Variants in RFX4 observed in about 807,000 individuals in gnomAD.
The protein encoded by RFX4 is regulatory factor X4.
RFX4 carries 10 observed loss-of-function variants against 95.0 expected under a neutral mutation model. The ratio of observed to expected loss-of-function variants is 0.11; its 90% confidence interval spans 0.06 to 0.18. RFX4 has a LOEUF of 0.18. Among genes scored for constraint, RFX4 ranks in the 10% least tolerant of loss-of-function variants. The pLI is 1.00. For synonymous variants in RFX4, 321 were observed against 340.7 expected, an observed-to-expected ratio of 0.94 and a Z score of 0.64; for missense variants, 640 against 922.0, an observed-to-expected ratio of 0.69 and a Z score of 3.96.
intron 3 of RFX4, 137 bp from the exon 4 acceptor site, chr12:106,654,091 C>A: frequency 8.3e-7 from 1 of 1,198,850 alleles, no homozygotes; most frequent in Non-Finnish European, 1.2e-6. Context: ...CTTTGTCTTC[C>A]TGGGCCCCAG....
chr12:106,655,024 C>G (rs2040928336), intron 4 of RFX4, among the ~76,000 whole-genome samples: 1 of 152,160 alleles, frequency 6.6e-6, no homozygotes, highest in Non-Finnish European at 1.5e-5. Context: ...GTAATTTTTT[C>G]TGCATCTGCT....
At chr12:106,653,300 A>G (rs2040890580) in intron 3 of RFX4, among the ~76,000 whole-genome samples, 1 of 152,230 alleles carries the variant, frequency 6.6e-6, no homozygotes, top group African/African-American at 2.4e-5. Context: ...CGGTCAGGAC[A>G]TATAGTGCCC....
At chr12:106,739,305 G>A (rs966202408) in intron 15 of RFX4, among the ~76,000 whole-genome samples, 2 of 152,070 alleles carry the variant, frequency 1.3e-5, no homozygotes, top group African/African-American at 2.4e-5. Flanking sequence ...TTGACTTGTT[G>A]AGAATCAAGG....
At chr12:106,759,062 A>C (rs1459325754) in intron 17 of RFX4, among the ~76,000 whole-genome samples, 1 of 152,234 alleles carries the variant, frequency 6.6e-6, no homozygotes, top group Non-Finnish European at 1.5e-5. Flanking sequence ...GAGCATATGA[A>C]TATAAGCCAA....
intron 8 of RFX4, among the ~76,000 whole-genome samples, chr12:106,700,508 G>A (rs950054786): frequency 3.4e-5 from 5 of 145,288 alleles, no homozygotes; most frequent in Non-Finnish European, 7.5e-5. Context: ...CCGGGTTCAC[G>A]CCATTCTCCT....
intron 2 of RFX4, among the ~76,000 whole-genome samples, chr12:106,624,386 G>A (rs1026734459): frequency 1.3e-5 from 2 of 152,138 alleles, no homozygotes; most frequent in East Asian, 3.9e-4. Context: ...GCGCAGTGTC[G>A]CGATCTTGGC....
intron 13 of RFX4, among the ~76,000 whole-genome samples, chr12:106,727,899 A>G (rs61943291): frequency 2.6e-5 from 4 of 152,136 alleles, no homozygotes; most frequent in South Asian, 2.1e-4. Flanking sequence ...GATTACAGGC[A>G]TGAGCCACCG....
chr12:106,624,371 C>A (rs2137244149), intron 2 of RFX4, among the ~76,000 whole-genome samples: 1 of 152,290 alleles, frequency 6.6e-6, no homozygotes, highest in East Asian at 1.9e-4. Context: ...TGTCACCAGG[C>A]TGGAGCGCAG....
chr12:106,716,879 C>T (rs536306972), intron 11 of RFX4, among the ~76,000 whole-genome samples: 1 of 151,884 alleles, frequency 6.6e-6, no homozygotes, highest in African/African-American at 2.4e-5. Context: ...GTTGGTGAAC[C>T]TAACTCAAGG....
In RFX4 at chr12:106,639,371, C is replaced by A; in HGVS notation, c.170C>A (p.Ser57Tyr). ...AATAATAGAGCATCCAAGCCCCACT[C>A]CACTCCTGCTACTCTGCAATGGTAA... is the stretch of plus-strand genomic sequence containing the variant. ...KENNRASKPH[S>Y]TPATLQWLEE... Residue 57 changes from serine to tyrosine, a missense_variant, in exon 3 of 18, where the codon TCC becomes TAC. Physicochemically the swap from Ser to Tyr is moderately radical, Grantham distance 144 (BLOSUM62 -2). Around this residue, in one of 7 missense-constraint regions of RFX4, gnomAD observed 63 missense variants for 68.8 expected, o/e 0.92. Coordinates refer to ENST00000392842, the MANE Select transcript of RFX4 (RefSeq NM_213594.3). The A allele has an allele frequency of 6.2e-7, 1 of 1,613,848 alleles. No homozygotes were observed. Among genetic ancestry groups the A allele is most frequent in the Non-Finnish European group, 8.5e-7 (1 of 1,179,872 alleles).
intron 13 of RFX4, among the ~76,000 whole-genome samples, chr12:106,726,819 T>TGGAGTGCAGTGGTG (rs1462852178): frequency 6.6e-6 from 1 of 152,186 alleles, no homozygotes; most frequent in Non-Finnish European, 1.5e-5. Flanking sequence ...TTATCTAGGT[T>TGGAGTGCAGTGGTG]GGAGTGCAGT....
chr12:106,727,449 C>T (rs2042523264), intron 13 of RFX4, among the ~76,000 whole-genome samples: 2 of 152,032 alleles, frequency 1.3e-5, no homozygotes, highest in Non-Finnish European at 2.9e-5. Flanking sequence ...AATATGATAT[C>T]TAATAAATAT....
Position 106,747,945 on chromosome 12 carries a change from A to G in RFX4, c.1796+346A>G, listed in dbSNP as rs559659022. 2.1e-3 allele frequency among the ~76,000 whole-genome samples: 317 copies of G among 150,150 alleles called. 3 individuals carry two copies. Among genetic ancestry groups the G allele is most frequent in the African/African-American group, 7.1e-3 (292 of 41,042 alleles). On this transcript the variant is annotated intron_variant, in intron 16 of 17. Coordinates refer to ENST00000392842, the MANE Select transcript of RFX4 (RefSeq NM_213594.3). ...GCCGTCTTAAAAAAAAAAAAAAAAG[A>G]AAAAGAAAAAAGATCTAAAGAGGGG...
intron 2 of RFX4, among the ~76,000 whole-genome samples, chr12:106,617,899 G>T (rs1042794984): frequency 2.0e-5 from 3 of 152,050 alleles, no homozygotes; most frequent in African/African-American, 7.2e-5. Flanking sequence ...GCTAATTTTT[G>T]TATTTTTAGT....
At chr12:106,701,233 A>G (rs1396683588) in intron 8 of RFX4, among the ~76,000 whole-genome samples, 1 of 152,130 alleles carries the variant, frequency 6.6e-6, no homozygotes, top group East Asian at 1.9e-4. Context: ...TCTTTTGTAC[A>G]TCTTTGCTCC....
At chr12:106,639,183 T>C (rs2040569293) in intron 2 of RFX4, 149 bp from the exon 3 acceptor site, 1 of 619,868 alleles carries the variant, frequency 1.6e-6, no homozygotes, top group South Asian at 2.2e-5. Context: ...GTATGATGAG[T>C]CTAACATGTT....
chr12:106,650,538 G>A (rs1375131765), intron 3 of RFX4, among the ~76,000 whole-genome samples: 1 of 152,184 alleles, frequency 6.6e-6, no homozygotes, highest in Non-Finnish European at 1.5e-5. Flanking sequence ...TTCGAGACCA[G>A]CCTGGCCAAC....
chr12:106,648,795 T>C (rs973543479), intron 3 of RFX4, among the ~76,000 whole-genome samples: 2 of 152,048 alleles, frequency 1.3e-5, no homozygotes, highest in African/African-American at 4.8e-5. Context: ...TTAAAAGATC[T>C]CTGCATATAC....
intron 8 of RFX4, 63 bp downstream of exon 8, chr12:106,696,509 C>T (rs1227948534): frequency 2.1e-5 from 33 of 1,586,370 alleles, no homozygotes; most frequent in Middle Eastern, 3.4e-4. Context: ...TTCTGCTTCT[C>T]TTGTACTGAT....
Sources: allele counts gnomAD v4.1 joint callset (sites outside exome capture counted in the v4.1 genomes callset), GRCh38; gene constraint gnomAD v4.1.1; regional missense constraint gnomAD v4.1.1; transcripts MANE v1.5; gene names NCBI Gene and HGNC (gene_info 2026-07-23, HGNC 2026-07-21).